LRRC18: variants seen among roughly 807,000 people sequenced by gnomAD.
LRRC18 encodes leucine rich repeat containing 18, also known as leucine-rich repeat-containing protein 18.
Under a neutral mutation model 11.2 loss-of-function variants are expected in LRRC18, and 12 were observed. The observed-to-expected ratio is 1.07, with a 90% CI of 0.69 to 1.74. LRRC18 has a LOEUF of 1.74. LRRC18 is among the 40% of genes most tolerant of loss of function. LRRC18 has a pLI of 0.00. For missense variants in LRRC18, 374 were observed against 330.5 expected, an observed-to-expected ratio of 1.13 and a Z score of -1.02; for synonymous variants, 155 against 130.6, an observed-to-expected ratio of 1.19 and a Z score of -1.27.
chr10:48,920,789 T>A, the LRRC18 span, among the ~76,000 whole-genome samples: 1 of 152,220 alleles, frequency 6.6e-6, no homozygotes, highest in Non-Finnish European at 1.5e-5. Context: ...TTCTTGGAAC[T>A]AATAAGTGAG....
chr10:48,936,522 G>A, the LRRC18 span, among the ~76,000 whole-genome samples: 2 of 152,042 alleles, frequency 1.3e-5, no homozygotes, highest in Non-Finnish European at 2.9e-5. Context: ...TAAAATATAG[G>A]TATGTAAAAC....
Position 48,910,296 on chromosome 10 carries a change from C to G in LRRC18, c.765-38G>C, listed in dbSNP as rs373806349. ...ACACAAGAAGGTGAGGCAATTGCTC[C>G]AGGCCACAGAGGCAAACACAGCAAG... On this transcript the variant is annotated intron_variant, in intron 1 of 1. Coordinates refer to ENST00000374160, the Ensembl canonical transcript of LRRC18. 19 of 1,605,230 alleles carry G rather than the reference C, an allele frequency of 1.2e-5. No individual in the cohort carries two copies. The African/African-American group carries it at 2.3e-4, about 19-fold the overall frequency.
At chr10:48,924,317 C>G in the LRRC18 span, among the ~76,000 whole-genome samples, 2 of 152,224 alleles carry the variant, frequency 1.3e-5, no homozygotes, top group South Asian at 4.1e-4. Flanking sequence ...TGCCCAGTAC[C>G]ACTAGAAGCA....
At chr10:48,914,126 G>T (rs767298236) in exon 1 of LRRC18, 2 of 1,613,922 alleles carry the variant, frequency 1.2e-6, no homozygotes, top group African/African-American at 2.7e-5. Context: ...TGATCTTCTT[G>T]CCCTTGGGGC....
chr10:48,919,867 C>A, the LRRC18 span, among the ~76,000 whole-genome samples: 9,361 of 150,928 alleles, frequency 0.062, 354 homozygotes, highest in Non-Finnish European at 0.092. Flanking sequence ...TGATCTCTTT[C>A]AAAAAAAAAT....
chr10:48,910,253 C>T lies in LRRC18; in HGVS notation c.770G>A (p.Arg257His), dbSNP rs764699947. 3.0e-5 allele frequency: 49 copies of T among 1,612,114 alleles called. No individual in the cohort carries two copies. Among genetic ancestry groups the T allele is most frequent in the Admixed American group, 3.3e-5 (2 of 59,956 alleles). ...ACAGCTACTCTAGGAAGATGTCAAG[C>T]GTATTCTGGGGATGGAGACACAAGA... is the stretch of plus-strand genomic sequence containing the variant. The change falls in exon 2 of 2, where the codon CGC becomes CAC. Residue 257 changes from arginine (R) to histidine (H), a missense_variant. Transcript: ENST00000374160.
the LRRC18 span, among the ~76,000 whole-genome samples, chr10:48,933,101 A>G: frequency 0.97 from 147,390 of 152,202 alleles, 71,557 homozygotes; most frequent in East Asian, 1. Context: ...TCTGTGCTGA[A>G]GGGCATGGCA....
the LRRC18 span, among the ~76,000 whole-genome samples, chr10:48,920,199 A>C: frequency 1.3e-5 from 2 of 152,206 alleles, no homozygotes; most frequent in African/African-American, 2.4e-5. Context: ...AAAAACTCTC[A>C]GCAAACTGGT....
chr10:48,920,669 A>G, the LRRC18 span, among the ~76,000 whole-genome samples: 1 of 152,354 alleles, frequency 6.6e-6, no homozygotes, highest in Non-Finnish European at 1.5e-5. Context: ...TAACCAGTGC[A>G]ATAATGCAAA....
intron 1 of LRRC18, among the ~76,000 whole-genome samples, chr10:48,913,167 G>A (rs1464335977): frequency 1.3e-5 from 2 of 152,216 alleles, no homozygotes; most frequent in African/African-American, 4.8e-5. Context: ...CTGTACTTGT[G>A]AGTGTGTGTG....
At chr10:48,929,401 G>A in the LRRC18 span, among the ~76,000 whole-genome samples, 1 of 152,154 alleles carries the variant, frequency 6.6e-6, no homozygotes, top group Non-Finnish European at 1.5e-5. Flanking sequence ...ATTGTGTCCT[G>A]GACTCCATAC....
At chr10:48,939,432 C>A in the LRRC18 span, among the ~76,000 whole-genome samples, 1 of 152,148 alleles carries the variant, frequency 6.6e-6, no homozygotes, top group Non-Finnish European at 1.5e-5. Context: ...TGCTCGGGGC[C>A]CCCCATTTAA....
chr10:48,934,212 G>A, the LRRC18 span, among the ~76,000 whole-genome samples: 2 of 152,234 alleles, frequency 1.3e-5, no homozygotes, highest in Non-Finnish European at 2.9e-5. Context: ...CATCCGTGTT[G>A]TTGATAAATG....
chr10:48,923,979 C>G, the LRRC18 span, among the ~76,000 whole-genome samples: 2 of 152,320 alleles, frequency 1.3e-5, no homozygotes, highest in Admixed American at 1.3e-4. Flanking sequence ...AGAAGCCCTC[C>G]CAGCTCTGAT....
the LRRC18 span, among the ~76,000 whole-genome samples, chr10:48,937,434 C>G: frequency 6.6e-6 from 1 of 152,168 alleles, no homozygotes; most frequent in Non-Finnish European, 1.5e-5. Context: ...TCTGAACAGT[C>G]AGCGTGTCGG....
Position 48,913,588 on chromosome 10 carries a change from CTA to C in LRRC18, c.566_567del (p.Ile189ArgfsTer34). 6.2e-7 allele frequency: 1 copy of C among 1,614,118 alleles called. No individual in the cohort carries two copies. On this transcript the variant is annotated frameshift_variant, in exon 1 of 2. Transcript: ENST00000374160. LOFTEE classifies it high-confidence loss of function. ...AAGTTCTCCAGCCTCCTGATGGAGTCTATGAATATTTCCGACTCACCTGGCTT... is the reference window on the plus strand; with the variant it reads ...AAGTTCTCCAGCCTCCTGATGGAGTCTGAATATTTCCGACTCACCTGGCTT...
intron 1 of LRRC18, among the ~76,000 whole-genome samples, chr10:48,913,111 G>A (rs1031554007): frequency 2.0e-5 from 3 of 152,192 alleles, no homozygotes; most frequent in African/African-American, 7.2e-5. Context: ...AGATCTGGGG[G>A]CAAGAGTAGG....
At chr10:48,933,242 C>T in the LRRC18 span, among the ~76,000 whole-genome samples, 1,577 of 152,332 alleles carry the variant, frequency 0.01, 28 homozygotes, top group African/African-American at 0.036. Context: ...GGGCCTAGCA[C>T]TTCCCATATC....
intron 1 of LRRC18, among the ~76,000 whole-genome samples, chr10:48,911,738 T>A (rs1278189781): frequency 3.3e-5 from 5 of 152,230 alleles, no homozygotes; most frequent in Non-Finnish European, 5.9e-5. Flanking sequence ...TGTAGAATGA[T>A]GAATGCTTTA....
Sources: gnomAD v4.1 joint callset for allele counts (sites outside exome capture counted in the v4.1 genomes callset) on GRCh38, gnomAD v4.1.1 for gene constraint, MANE v1.5 for transcripts, NCBI Gene and HGNC (gene_info 2026-07-23, HGNC 2026-07-21) for gene names.